Variants in PDSS2 observed in about 807,000 individuals in gnomAD.
The protein encoded by PDSS2 is all trans-polyprenyl-diphosphate synthase PDSS2.
In PDSS2, 31 loss-of-function variants were observed where a neutral mutation model predicts 44.5. The ratio of observed to expected loss-of-function variants is 0.70; its 90% CI spans 0.52 to 0.94. PDSS2 has a LOEUF of 0.94. PDSS2 is among the 40% of genes least tolerant of loss of function. PDSS2 has a pLI of 0.00. For missense variants in PDSS2, 452 were observed against 482.2 expected (o/e 0.94, Z 0.59); for synonymous variants, 157 against 180.3 (o/e 0.87, Z 1.03).
chr6:107,402,900 G>GGTA (rs1780193298), intron 1 of PDSS2, among the ~76,000 whole-genome samples: 1 of 151,888 alleles, frequency 6.6e-6, no homozygotes, highest in African/African-American at 2.4e-5. Flanking sequence ...ATGAGATTTG[G>GGTA]GTAGAGACAT....
chr6:107,306,714 T>C (rs549184923), intron 2 of PDSS2, among the ~76,000 whole-genome samples: 1 of 152,298 alleles, frequency 6.6e-6, no homozygotes, highest in East Asian at 1.9e-4. Context: ...TGAACTAATA[T>C]CTGACAAGCA....
At chr6:107,310,718 T>G (rs1024580247) in intron 2 of PDSS2, among the ~76,000 whole-genome samples, 3 of 152,148 alleles carry the variant, frequency 2.0e-5, no homozygotes, top group African/African-American at 7.2e-5. Context: ...GCCCTGAGTC[T>G]CATATCTGCA....
At chr6:107,251,713 C>G (rs1187231281) in intron 3 of PDSS2, among the ~76,000 whole-genome samples, 4 of 152,024 alleles carry the variant, frequency 2.6e-5, no homozygotes, top group Non-Finnish European at 1.5e-5. Context: ...GGGATATTGT[C>G]AAAATTTCTT....
intron 2 of PDSS2, among the ~76,000 whole-genome samples, chr6:107,318,332 G>A (rs1406776958): frequency 6.6e-6 from 1 of 152,100 alleles, no homozygotes; most frequent in Non-Finnish European, 1.5e-5. Context: ...AGAGGTCAGC[G>A]GAGAGCAGTG....
At chr6:107,339,543 T>C (rs1178129703) in intron 1 of PDSS2, among the ~76,000 whole-genome samples, 2 of 152,014 alleles carry the variant, frequency 1.3e-5, no homozygotes, top group Non-Finnish European at 2.9e-5. Context: ...AGACTGGTAA[T>C]AAAAAACGAA....
chr6:107,187,779 C>T (rs1365965090), intron 7 of PDSS2, among the ~76,000 whole-genome samples: 1 of 152,130 alleles, frequency 6.6e-6, no homozygotes, highest in Non-Finnish European at 1.5e-5. Flanking sequence ...TACTCATGCA[C>T]ACATGTTTGT....
At chr6:107,265,268 T>C in intron 3 of PDSS2, among the ~76,000 whole-genome samples, 1 of 152,174 alleles carries the variant, frequency 6.6e-6, no homozygotes, top group Non-Finnish European at 1.5e-5. Flanking sequence ...CTGAATTTCA[T>C]TTGACTGCAG....
At chr6:107,285,474 A>G (rs1225440472) in intron 2 of PDSS2, among the ~76,000 whole-genome samples, 1 of 152,072 alleles carries the variant, frequency 6.6e-6, no homozygotes, top group East Asian at 1.9e-4. Flanking sequence ...ATAAGACCCC[A>G]TTTTGAAGAA....
chr6:107,271,256 A>G (rs1452153404), intron 3 of PDSS2, among the ~76,000 whole-genome samples: 1 of 152,086 alleles, frequency 6.6e-6, no homozygotes, highest in African/African-American at 2.4e-5. Context: ...CTTTCTTAAG[A>G]AAAAAAATCA....
chr6:107,368,671 TA>T, intron 1 of PDSS2, among the ~76,000 whole-genome samples: 1 of 151,680 alleles, frequency 6.6e-6, no homozygotes, highest in East Asian at 1.9e-4. Flanking sequence ...CTGGGCAACA[TA>T]GCAAGACCCC....
intron 2 of PDSS2, among the ~76,000 whole-genome samples, chr6:107,303,102 G>C (rs1352841638): frequency 6.6e-6 from 1 of 152,156 alleles, no homozygotes; most frequent in Non-Finnish European, 1.5e-5. Flanking sequence ...AGGTTGAGGG[G>C]TTGGCATATG....
At chr6:107,271,870 C>T (rs1775609119) in intron 3 of PDSS2, among the ~76,000 whole-genome samples, 1 of 151,774 alleles carries the variant, frequency 6.6e-6, no homozygotes, top group Non-Finnish European at 1.5e-5. Context: ...GCCTGGGCAA[C>T]ATGGCGAAAG....
Position 107,153,146 on chromosome 6 carries a change from G to C in PDSS2, c.*1473C>G, listed in dbSNP as rs1179365485. 6.6e-6 allele frequency: 1 copy of C among 152,566 alleles called. No homozygotes were observed. The highest frequency in any genetic ancestry group is 1.9e-4 in the East Asian group (1 of 5,198). The allele number at this position is 152,566 out of a possible 1,614,324, so 9.5% of individuals were successfully genotyped here. A position where few individuals can be genotyped will look rare whatever the true frequency, so the allele number is the denominator to read the frequency against. ...GCTTTAACTAAAATAACTTCATGTAGTGTTTGAGCGAACTAGGTAATAAAA... is the reference window on the plus strand; with the variant it reads ...GCTTTAACTAAAATAACTTCATGTACTGTTTGAGCGAACTAGGTAATAAAA... On this transcript the variant is annotated 3_prime_UTR_variant, in exon 8 of 8. Coordinates refer to ENST00000369037, the MANE Select transcript of PDSS2 (RefSeq NM_020381.4).
intron 2 of PDSS2, among the ~76,000 whole-genome samples, chr6:107,332,524 C>CT (rs1433561363): frequency 1.4e-4 from 22 of 152,024 alleles, no homozygotes; most frequent in Admixed American, 1.1e-3. Context: ...TACAAGATGA[C>CT]TTTTTTTAAC....
chr6:107,335,149 A>T (rs1479483892), intron 1 of PDSS2, among the ~76,000 whole-genome samples: 7 of 140,926 alleles, frequency 5.0e-5, no homozygotes, highest in African/African-American at 1.6e-4. Context: ...AGACGGATTG[A>T]GACTCTGTTT....
chr6:107,322,168 G>A (rs78228331), intron 2 of PDSS2, among the ~76,000 whole-genome samples: 2,566 of 152,270 alleles, frequency 0.017, 56 homozygotes, highest in African/African-American at 0.046. Flanking sequence ...TAAGGAATTT[G>A]TATCTAATCC....
chr6:107,212,012 T>C, intron 5 of PDSS2, 97 bp downstream of exon 5: 16 of 1,023,810 alleles, frequency 1.6e-5, no homozygotes, highest in Middle Eastern at 2.0e-4. Context: ...ATAAGCATTT[T>C]TGAAATATAA....
intron 2 of PDSS2, 97 bp from the exon 3 acceptor site, chr6:107,274,324 GC>G: frequency 3.1e-6 from 3 of 960,558 alleles, no homozygotes; most frequent in Admixed American, 2.0e-5. Context: ...TCCATAGGTT[GC>G]CCCCCACTTT....
intron 2 of PDSS2, among the ~76,000 whole-genome samples, chr6:107,311,195 CTTTTTTTTT>C (rs35780982): frequency 7.8e-6 from 1 of 128,320 alleles, no homozygotes; most frequent in Non-Finnish European, 1.6e-5. Context: ...CCACAACCAG[CTTTTTTTTT>C]TTTTTTTTTG....
Sources: gnomAD v4.1 joint callset for allele counts (sites outside exome capture counted in the v4.1 genomes callset) on GRCh38, gnomAD v4.1.1 for gene constraint, MANE v1.5 for transcripts, NCBI Gene and HGNC (gene_info 2026-07-23, HGNC 2026-07-21) for gene names.